CENPW: variants seen among roughly 807,000 people sequenced by gnomAD.
CENPW encodes centromere protein W, also known as cancer-up-regulated gene 2 protein.
CENPW carries 3 observed loss-of-function variants against 11.1 expected under a neutral mutation model. The observed-to-expected ratio is 0.27, with a 90% CI of 0.12 to 0.70. The LOEUF (loss-of-function observed/expected upper bound fraction) is 0.70, where lower values mean the gene tolerates loss of function less well. Ranked by LOEUF, CENPW falls within the 30% of genes least tolerant of loss-of-function variation. The probability of loss-of-function intolerance (pLI) is 0.77; values close to 1 mark genes in which losing one functional copy is unlikely to be tolerated. For synonymous variants in CENPW, 38 were observed against 42.0 expected (o/e 0.91, Z 0.37); for missense variants, 100 against 105.6 (o/e 0.95, Z 0.23).
chr6:126,376,588 A>G, the CENPW span, among the ~76,000 whole-genome samples: 1 of 152,186 alleles, frequency 6.6e-6, no homozygotes, highest in Non-Finnish European at 1.5e-5. Context: ...GATAACAGCC[A>G]GGAGAGGAGA....
At chr6:126,356,089 CT>C in the CENPW span, among the ~76,000 whole-genome samples, 7 of 152,236 alleles carry the variant, frequency 4.6e-5, no homozygotes, top group Admixed American at 3.9e-4. Context: ...TAGGATGTTT[CT>C]CTCTATAAAA....
At chr6:126,430,348 G>T in the CENPW span, among the ~76,000 whole-genome samples, 2 of 152,188 alleles carry the variant, frequency 1.3e-5, no homozygotes, top group Non-Finnish European at 2.9e-5. Context: ...AGAAAAGAAT[G>T]ATTTGCCTTG....
At chr6:126,386,213 A>G in the CENPW span, among the ~76,000 whole-genome samples, 1 of 152,034 alleles carries the variant, frequency 6.6e-6, no homozygotes, top group South Asian at 2.1e-4. Flanking sequence ...AATCTAACCC[A>G]TATGGTCAGG....
chr6:126,378,145 A>G, the CENPW span, among the ~76,000 whole-genome samples: 1 of 152,184 alleles, frequency 6.6e-6, no homozygotes, highest in Non-Finnish European at 1.5e-5. Flanking sequence ...TTCTACCAAA[A>G]TACTTCCAAT....
downstream of CENPW, among the ~76,000 whole-genome samples, chr6:126,350,711 C>G (rs576843556): frequency 2.6e-5 from 4 of 151,914 alleles, no homozygotes; most frequent in Non-Finnish European, 5.9e-5. Flanking sequence ...AACAGAAAGC[C>G]TCATGGATTC....
chr6:126,373,603 A>G, the CENPW span, among the ~76,000 whole-genome samples: 1 of 152,188 alleles, frequency 6.6e-6, no homozygotes, highest in East Asian at 1.9e-4. Context: ...AATCATAGCT[A>G]GGCTAGAATG....
chr6:126,362,739 A>G, the CENPW span, among the ~76,000 whole-genome samples: 1 of 152,082 alleles, frequency 6.6e-6, no homozygotes, highest in Non-Finnish European at 1.5e-5. Context: ...GTAGCATTTA[A>G]TTCTTTTTTC....
At chr6:126,433,703 A>G in the CENPW span, among the ~76,000 whole-genome samples, 2 of 152,132 alleles carry the variant, frequency 1.3e-5, no homozygotes, top group East Asian at 3.9e-4. Context: ...AGAAAGTGCA[A>G]TGTAAAGTAG....
At chr6:126,381,058 C>T in the CENPW span, among the ~76,000 whole-genome samples, 2 of 152,190 alleles carry the variant, frequency 1.3e-5, no homozygotes, top group Non-Finnish European at 2.9e-5. Context: ...CTCCACCATT[C>T]CCCAGGTGAT....
At chr6:126,471,454 A>G in the CENPW span, among the ~76,000 whole-genome samples, 4 of 152,198 alleles carry the variant, frequency 2.6e-5, no homozygotes, top group Admixed American at 1.3e-4. Context: ...TGGCAGTGTG[A>G]AAATAAATAC....
the CENPW span, among the ~76,000 whole-genome samples, chr6:126,445,589 A>C: frequency 2.0e-5 from 3 of 151,278 alleles, no homozygotes; most frequent in Non-Finnish European, 4.4e-5. Context: ...CCTACCATAC[A>C]ATTTAGTCAT....
chr6:126,367,561 C>T, the CENPW span, among the ~76,000 whole-genome samples: 1 of 152,022 alleles, frequency 6.6e-6, no homozygotes, highest in Non-Finnish European at 1.5e-5. Flanking sequence ...AAGAGTAACT[C>T]CAGATTAGAG....
the CENPW span, among the ~76,000 whole-genome samples, chr6:126,448,258 T>C: frequency 6.6e-6 from 1 of 151,082 alleles, no homozygotes. Context: ...TTTATCAAGG[T>C]AAGCCCCAGC....
chr6:126,354,710 G>A, the CENPW span, among the ~76,000 whole-genome samples: 1 of 152,082 alleles, frequency 6.6e-6, no homozygotes, highest in Non-Finnish European at 1.5e-5. Flanking sequence ...ACCTCTTTAA[G>A]AGTCTCCTTT....
At chr6:126,411,714 G>T in the CENPW span, among the ~76,000 whole-genome samples, 3 of 152,228 alleles carry the variant, frequency 2.0e-5, no homozygotes, top group Non-Finnish European at 2.9e-5. Context: ...TGCTCTGGAG[G>T]TTTGGAGGTT....
chr6:126,374,148 T>C, the CENPW span, among the ~76,000 whole-genome samples: 3 of 152,172 alleles, frequency 2.0e-5, no homozygotes, highest in African/African-American at 7.2e-5. Flanking sequence ...AATGTACTGG[T>C]AGCAAAACAA....
At chr6:126,446,898 A>T in the CENPW span, among the ~76,000 whole-genome samples, 2 of 151,202 alleles carry the variant, frequency 1.3e-5, no homozygotes, top group African/African-American at 4.8e-5. Flanking sequence ...CTGTTTAATC[A>T]TGTTTAAATG....
chr6:126,386,587 AG>A, the CENPW span, among the ~76,000 whole-genome samples: 3 of 152,032 alleles, frequency 2.0e-5, no homozygotes, highest in African/African-American at 7.2e-5. Flanking sequence ...GGCACAGATT[AG>A]GGTTTATATC....
chr6:126,449,462 A>T, the CENPW span, among the ~76,000 whole-genome samples: 1 of 151,046 alleles, frequency 6.6e-6, no homozygotes, highest in South Asian at 2.1e-4. Context: ...AATACTGGAA[A>T]TTGGTTCATT....
Sources: gnomAD v4.1 joint callset for allele counts (sites outside exome capture counted in the v4.1 genomes callset) on GRCh38, gnomAD v4.1.1 for gene constraint, MANE v1.5 for transcripts, NCBI Gene and HGNC (gene_info 2026-07-23, HGNC 2026-07-21) for gene names.